The following TAFA1 variants were observed in gnomAD, a reference collection of about 807,000 sequenced individuals.
The protein encoded by TAFA1 is TAFA chemokine like family member 1.
In TAFA1, 4 loss-of-function variants were observed where a neutral mutation model predicts 18.5. The ratio of observed to expected loss-of-function variants is 0.22; its 90% confidence interval spans 0.11 to 0.49. The LOEUF is 0.49. Among genes scored for constraint, TAFA1 ranks in the 20% least tolerant of loss-of-function variants. The pLI, the probability that TAFA1 is intolerant of heterozygous loss-of-function variation, is 0.98. For synonymous variants in TAFA1, 56 were observed against 55.2 expected (o/e 1.01, Z -0.06); for missense variants, 147 against 169.0 (o/e 0.87, Z 0.72).
At chr3:68,487,323 CAAAAG>C (rs1160912566) in intron 3 of TAFA1, among the ~76,000 whole-genome samples, 100 of 152,164 alleles carry the variant, frequency 6.6e-4, no homozygotes, top group East Asian at 1.2e-3. Flanking sequence ...CTAGATTTGA[CAAAAG>C]AAAAGAATAG....
chr3:68,064,905 G>A (rs7433590), intron 2 of TAFA1, among the ~76,000 whole-genome samples: 2 of 151,788 alleles, frequency 1.3e-5, no homozygotes, highest in Non-Finnish European at 2.9e-5. Context: ...GCATTTTTGA[G>A]AAAAAAATAA....
rs535001533 is a variant in TAFA1 at position 68,072,294 on chromosome 3, C to T, written c.118+65550C>T. Among the ~76,000 whole-genome samples, 61 of 152,126 alleles carry T rather than the reference C, an allele frequency of 4.0e-4. 1 individual carries two copies. Among genetic ancestry groups the T allele is most frequent in the African/African-American group, 1.2e-3 (50 of 41,514 alleles). ...ACAGCACAGATATGAGAAGCAGCCT[C>T]GTGTGGCTTGAGTGTGAAGTACGGG... is the stretch of plus-strand genomic sequence containing the variant. On this transcript the variant is annotated intron_variant, in intron 2 of 4. Coordinates refer to ENST00000478136, the MANE Select transcript of TAFA1 (RefSeq NM_213609.4).
intron 2 of TAFA1, among the ~76,000 whole-genome samples, chr3:68,208,025 C>G (rs2066547345): frequency 6.6e-6 from 1 of 151,970 alleles, no homozygotes; most frequent in Non-Finnish European, 1.5e-5. Context: ...CACTGTTTTG[C>G]TTTACATTCA....
chr3:68,507,498 A>AC (rs2072777631), intron 3 of TAFA1, among the ~76,000 whole-genome samples: 1 of 152,040 alleles, frequency 6.6e-6, no homozygotes, highest in African/African-American at 2.4e-5. Flanking sequence ...AGAATTCTTC[A>AC]CCCCTTCTCC....
intron 3 of TAFA1, among the ~76,000 whole-genome samples, chr3:68,509,193 A>C (rs1335380799): frequency 2.6e-5 from 4 of 152,136 alleles, no homozygotes; most frequent in Non-Finnish European, 5.9e-5. Flanking sequence ...TTGATTACCA[A>C]AATTGCCTGG....
intron 2 of TAFA1, among the ~76,000 whole-genome samples, chr3:68,375,817 A>G (rs2069800437): frequency 6.6e-6 from 1 of 152,224 alleles, no homozygotes; most frequent in African/African-American, 2.4e-5. Context: ...GTATGTGCAT[A>G]TATAAATATC....
At chr3:68,303,635 G>C (rs2068348636) in intron 2 of TAFA1, among the ~76,000 whole-genome samples, 1 of 152,060 alleles carries the variant, frequency 6.6e-6, no homozygotes, top group South Asian at 2.1e-4. Context: ...ATTTTTAGTA[G>C]AGACGGGGTT....
intron 2 of TAFA1, among the ~76,000 whole-genome samples, chr3:68,272,070 C>G (rs1398404974): frequency 6.6e-6 from 1 of 152,148 alleles, no homozygotes; most frequent in Non-Finnish European, 1.5e-5. Flanking sequence ...AAGCTCTGAG[C>G]AGAGTGAAAT....
rs188011743 is a variant in TAFA1, at chr3:68,004,249, A to T, written c.-457A>T. On this transcript the variant is annotated 5_prime_UTR_variant, in exon 1 of 5. Transcript: ENST00000478136. ...AGAGCGGAGGGATGTATTGAAACAG[A>T]CTACTGCTACTTACAGCACCGTATA... is the stretch of plus-strand genomic sequence containing the variant. 1.9e-4 allele frequency: 29 copies of T among 152,290 alleles called. No individual in the cohort carries two copies. Among genetic ancestry groups the T allele is most frequent in the Admixed American group, 1.6e-3 (25 of 15,298 alleles). 9.4% of individuals were successfully genotyped at this position (152,290 alleles called of 1,614,324 possible). A position where few individuals can be genotyped will look rare whatever the true frequency, so the allele number is the denominator to read the frequency against.
intron 2 of TAFA1, among the ~76,000 whole-genome samples, chr3:68,309,767 G>A (rs927486390): frequency 1.3e-5 from 2 of 152,180 alleles, no homozygotes; most frequent in Non-Finnish European, 1.5e-5. Context: ...TGGCTTCAAA[G>A]GGGGCTCAAC....
chr3:68,230,229 T>C (rs2066855253), intron 2 of TAFA1, among the ~76,000 whole-genome samples: 1 of 152,138 alleles, frequency 6.6e-6, no homozygotes, highest in African/African-American at 2.4e-5. Flanking sequence ...CAACTATATT[T>C]TTGTACCCAT....
chr3:68,171,926 G>A (rs2066058613), intron 2 of TAFA1, among the ~76,000 whole-genome samples: 1 of 151,998 alleles, frequency 6.6e-6, no homozygotes, highest in African/African-American at 2.4e-5. Flanking sequence ...AACAAAATGA[G>A]GGAAAATGAA....
At chr3:68,106,217 T>C (rs1319063424) in intron 2 of TAFA1, among the ~76,000 whole-genome samples, 2 of 151,854 alleles carry the variant, frequency 1.3e-5, no homozygotes, top group Non-Finnish European at 2.9e-5. Context: ...CTTCACACCA[T>C]ATACAAAGAT....
intron 2 of TAFA1, among the ~76,000 whole-genome samples, chr3:68,408,186 G>A (rs1189021421): frequency 2.0e-5 from 3 of 152,122 alleles, no homozygotes; most frequent in Non-Finnish European, 4.4e-5. Context: ...GGAAATGCAA[G>A]GATTCTAATA....
chr3:68,318,979 G>C (rs988525599), intron 2 of TAFA1, among the ~76,000 whole-genome samples: 1 of 152,084 alleles, frequency 6.6e-6, no homozygotes, highest in African/African-American at 2.4e-5. Context: ...TAACTCAGAA[G>C]TCAGCATTTT....
intron 2 of TAFA1, among the ~76,000 whole-genome samples, chr3:68,237,429 C>T (rs2066941937): frequency 6.6e-6 from 1 of 152,184 alleles, no homozygotes; most frequent in African/African-American, 2.4e-5. Context: ...AGGACACAAA[C>T]ATTCAGACCA....
At chr3:68,010,014 A>G (rs1704439425) in intron 2 of TAFA1, among the ~76,000 whole-genome samples, 1 of 152,336 alleles carries the variant, frequency 6.6e-6, no homozygotes, top group Admixed American at 6.5e-5. Flanking sequence ...AAAAAATGAG[A>G]CACCCGCAGA....
intron 3 of TAFA1, among the ~76,000 whole-genome samples, chr3:68,484,957 C>A (rs945617949): frequency 1.3e-5 from 2 of 152,176 alleles, no homozygotes; most frequent in Admixed American, 1.3e-4. Context: ...AGGCAAGAGT[C>A]ATAATCAAGG....
intron 2 of TAFA1, among the ~76,000 whole-genome samples, chr3:68,085,422 C>T (rs2064959146): frequency 6.6e-6 from 1 of 152,140 alleles, no homozygotes; most frequent in Admixed American, 6.5e-5. Flanking sequence ...AGGGTTAGTG[C>T]ACAAAGGAGC....
Sources: gnomAD v4.1 joint callset for allele counts (sites outside exome capture counted in the v4.1 genomes callset) on GRCh38, gnomAD v4.1.1 for gene constraint, MANE v1.5 for transcripts, NCBI Gene and HGNC (gene_info 2026-07-23, HGNC 2026-07-21) for gene names.